The following SLC35F3 variants were observed in gnomAD, a reference collection of about 807,000 sequenced individuals.
SLC35F3 encodes the protein solute carrier family 35 member F3.
In SLC35F3, 25 loss-of-function variants were observed where a neutral mutation model predicts 49.9. The observed-to-expected ratio is 0.50, with a 90% CI of 0.37 to 0.70. The LOEUF (loss-of-function observed/expected upper bound fraction) is 0.70. Among genes scored for constraint, SLC35F3 ranks in the 30% least tolerant of loss-of-function variants. The pLI is 0.00. For synonymous variants in SLC35F3, 275 were observed against 265.4 expected (o/e 1.04, Z -0.35); for missense variants, 525 against 639.8 (o/e 0.82, Z 1.94).
intron 2 of SLC35F3, among the ~76,000 whole-genome samples, chr1:234,113,279 A>G (rs1665435662): frequency 6.6e-6 from 1 of 152,198 alleles, no homozygotes; most frequent in Non-Finnish European, 1.5e-5. Context: ...GGATGGAGCC[A>G]GGAGAAACCT....
chr1:234,284,758 G>T (rs1668391185), intron 3 of SLC35F3, among the ~76,000 whole-genome samples: 1 of 152,178 alleles, frequency 6.6e-6, no homozygotes, highest in Non-Finnish European at 1.5e-5. Flanking sequence ...ATGCTCCGGG[G>T]TATCAACAGA....
At chr1:234,072,969 G>A (rs571831415) in intron 2 of SLC35F3, among the ~76,000 whole-genome samples, 165 of 152,288 alleles carry the variant, frequency 1.1e-3, no homozygotes, top group Admixed American at 5.0e-3. Flanking sequence ...GGACAGGCGT[G>A]GGCACTGGGA....
At chr1:234,081,169 G>A (rs182980354) in intron 2 of SLC35F3, among the ~76,000 whole-genome samples, 4 of 152,134 alleles carry the variant, frequency 2.6e-5, no homozygotes, top group East Asian at 3.9e-4. Flanking sequence ...CCCATGCCTC[G>A]GTCAAAATAT....
At position 233,957,665 on chromosome 1, in the gene SLC35F3, ATTAG is replaced by A. The variant is rs1356263831; in HGVS notation, c.283+51912_283+51915del. Among the ~76,000 whole-genome samples the A allele has an allele frequency of 5.9e-5, 9 of 152,138 alleles. No homozygotes were observed. The highest frequency in any genetic ancestry group is 5.2e-4 in the Admixed American group (8 of 15,272). ...GCTCGTCTCTAATTAAAGTACAAAA[ATTAG>A]TTAGGCATGGTGGTGGGTGCCTGTA... On this transcript the variant is annotated intron_variant, in intron 2 of 7. Coordinates refer to ENST00000366618, the MANE Select transcript of SLC35F3 (RefSeq NM_173508.4). This position sits in a 1 kb window ranked among gnomAD's most constrained non-coding sequence, Gnocchi z 4.0.
intron 2 of SLC35F3, among the ~76,000 whole-genome samples, chr1:233,920,292 A>T (rs1344283177): frequency 1.3e-5 from 2 of 152,208 alleles, no homozygotes; most frequent in Non-Finnish European, 2.9e-5. Flanking sequence ...GGAGCAATTG[A>T]TTGGTTTCAG....
chr1:234,155,204 GA>G (rs761082977), intron 2 of SLC35F3, among the ~76,000 whole-genome samples: 1 of 152,108 alleles, frequency 6.6e-6, no homozygotes, highest in Non-Finnish European at 1.5e-5. Context: ...ACAGAGGGCT[GA>G]TTACATAGGG....
At chr1:234,156,928 C>T (rs1335414487) in intron 2 of SLC35F3, among the ~76,000 whole-genome samples, 1 of 151,960 alleles carries the variant, frequency 6.6e-6, no homozygotes, top group Admixed American at 6.6e-5. Flanking sequence ...AGAGAGACAG[C>T]AAGTAGATTA....
At chr1:234,040,849 A>G (rs1213151128) in intron 2 of SLC35F3, among the ~76,000 whole-genome samples, 1 of 152,206 alleles carries the variant, frequency 6.6e-6, no homozygotes, top group Non-Finnish European at 1.5e-5. Context: ...AAAAGATTCA[A>G]AAGAAAACAT....
intron 2 of SLC35F3, among the ~76,000 whole-genome samples, chr1:234,055,225 A>G (rs1664439109): frequency 6.6e-6 from 1 of 152,184 alleles, no homozygotes; most frequent in Non-Finnish European, 1.5e-5. Context: ...TTGTTCAGCT[A>G]TGCCCTGCCC....
chr1:234,176,803 A>G (rs1215177463), intron 2 of SLC35F3, among the ~76,000 whole-genome samples: 1 of 152,184 alleles, frequency 6.6e-6, no homozygotes, highest in Non-Finnish European at 1.5e-5. Flanking sequence ...AAAAAACAAT[A>G]ACAACAAAAC....
intron 2 of SLC35F3, among the ~76,000 whole-genome samples, chr1:233,971,762 CT>C (rs1176250975): frequency 6.6e-5 from 10 of 150,882 alleles, no homozygotes; most frequent in African/African-American, 2.4e-4. Flanking sequence ...TGCTGACTCC[CT>C]TGTGGTCAAC....
chr1:234,169,074 G>A (rs939082360), intron 2 of SLC35F3, among the ~76,000 whole-genome samples: 1 of 152,186 alleles, frequency 6.6e-6, no homozygotes, highest in African/African-American at 2.4e-5. Context: ...AGTCCAAAGA[G>A]CCGAGAATCA....
intron 2 of SLC35F3, among the ~76,000 whole-genome samples, chr1:233,966,858 T>C (rs1330539738): frequency 6.6e-6 from 1 of 152,204 alleles, no homozygotes; most frequent in South Asian, 2.1e-4. Flanking sequence ...TTTATTTTCT[T>C]TGGAGGCAAA....
intron 2 of SLC35F3, among the ~76,000 whole-genome samples, chr1:233,924,902 T>C (rs1295008282): frequency 2.6e-5 from 4 of 152,228 alleles, no homozygotes; most frequent in African/African-American, 9.6e-5. Context: ...CCAGTAGTCA[T>C]TCAGGAGCAG....
At position 234,273,381 on chromosome 1, in the gene SLC35F3, G is replaced by A. The variant is rs78621705; in HGVS notation, c.609-35720G>A. Among the ~76,000 whole-genome samples the A allele has an allele frequency of 3.5e-4, 53 of 152,294 alleles. 1 individual carries two copies. The East Asian group carries it at 4.4e-3, about 13-fold the overall frequency. ...GAGTGGTACAGGGGATGCAGGGAAC[G>A]CAAGCCCAGGCAACCCCCCTCCCAC... is the stretch of plus-strand genomic sequence containing the variant. On this transcript the variant is annotated intron_variant, in intron 3 of 7. Coordinates refer to ENST00000366618, the MANE Select transcript of SLC35F3 (RefSeq NM_173508.4).
chr1:234,063,424 A>T (rs1467310986), intron 2 of SLC35F3, among the ~76,000 whole-genome samples: 1 of 152,222 alleles, frequency 6.6e-6, no homozygotes, highest in African/African-American at 2.4e-5. Flanking sequence ...GAGCCTCAGT[A>T]AATTTACTTA....
Position 234,108,680 on chromosome 1 carries a change from A to T in SLC35F3, c.284-122737A>T, listed in dbSNP as rs201570916. Reference sequence around the variant, plus strand: ...ATTTATATATATAAAAGATATATATATTTTTATATATAAAATATATATTAT... The same window carrying T: ...ATTTATATATATAAAAGATATATATTTTTTTATATATAAAATATATATTAT... On this transcript the variant is annotated intron_variant, in intron 2 of 7. Coordinates refer to ENST00000366618, the MANE Select transcript of SLC35F3 (RefSeq NM_173508.4). Among the ~76,000 whole-genome samples, 22 of 95,638 alleles carry T rather than the reference A, an allele frequency of 2.3e-4. No homozygotes were observed. The East Asian group carries it at 0.017, about 73-fold the overall frequency. The allele number at this position is 95,638 out of a possible 152,430, so 62.7% of individuals were successfully genotyped here.
intron 3 of SLC35F3, among the ~76,000 whole-genome samples, chr1:234,244,738 A>G (rs1421689399): frequency 6.6e-5 from 10 of 152,104 alleles, no homozygotes; most frequent in Non-Finnish European, 4.4e-5. Flanking sequence ...TTTCAATTCC[A>G]CATTTATACT....
rs182158290 is a variant in SLC35F3, at chr1:234,051,828, T to C, written c.283+146070T>C. ...AGATACGTCCCATCAATACCTAGTTTATTGAGAGTTTTTCGCATGAAGCAC... is the reference window on the plus strand; with the variant it reads ...AGATACGTCCCATCAATACCTAGTTCATTGAGAGTTTTTCGCATGAAGCAC... On this transcript the variant is annotated intron_variant, in intron 2 of 7. Transcript: ENST00000366618. Among the ~76,000 whole-genome samples, 76 of 152,320 alleles carry C rather than the reference T, an allele frequency of 5.0e-4. 1 individual carries two copies. Among genetic ancestry groups the C allele is most frequent in the Middle Eastern group, 6.8e-3 (2 of 294 alleles).
Sources: allele counts gnomAD v4.1 joint callset (sites outside exome capture counted in the v4.1 genomes callset), GRCh38; gene constraint gnomAD v4.1.1; non-coding constraint Gnocchi (gnomAD v3.1); transcripts MANE v1.5; gene names NCBI Gene and HGNC (gene_info 2026-07-23, HGNC 2026-07-21).